RAP1A: variants seen among roughly 807,000 people sequenced by gnomAD.
The protein encoded by RAP1A is ras-related protein Rap-1A.
RAP1A carries 6 observed loss-of-function variants against 26.4 expected under a neutral mutation model. The observed-to-expected ratio is 0.23, with a 90% confidence interval of 0.12 to 0.45. The LOEUF (loss-of-function observed/expected upper bound fraction) is 0.45, where lower values mean the gene tolerates loss of function less well. Among genes scored for constraint, RAP1A ranks in the 20% least tolerant of loss-of-function variants. The pLI, the probability that RAP1A is intolerant of heterozygous loss-of-function variation, is 0.99. For synonymous variants in RAP1A, 73 were observed against 79.4 expected (o/e 0.92, Z 0.43); for missense variants, 121 against 217.2 (o/e 0.56, Z 2.78).
rs1662421044 is a variant in RAP1A at position 111,712,669 on chromosome 1, T to G, written c.*268T>G. The G allele has an allele frequency of 6.6e-6, 1 of 152,542 alleles. No individual in the cohort carries two copies. Among genetic ancestry groups the G allele is most frequent in the Admixed American group, 6.5e-5 (1 of 15,280 alleles). The allele number at this position is 152,542 out of a possible 1,614,324, so 9.4% of individuals were successfully genotyped here. A position where few individuals can be genotyped will look rare whatever the true frequency, so the allele number is the denominator to read the frequency against. Reference sequence around the variant, plus strand: ...TAACAGATGTGAAAATATACTTGACTCTAATATGATTATACAAAAGAGCAT... The same window carrying G: ...TAACAGATGTGAAAATATACTTGACGCTAATATGATTATACAAAAGAGCAT... On this transcript the variant is annotated 3_prime_UTR_variant, in exon 8 of 8. Transcript: ENST00000369709.
intron 1 of RAP1A, among the ~76,000 whole-genome samples, chr1:111,666,508 A>G (rs1660799547): frequency 6.6e-6 from 1 of 152,168 alleles, no homozygotes; most frequent in South Asian, 2.1e-4. Flanking sequence ...GAATGTAAGA[A>G]CTCAGATCAC....
intron 1 of RAP1A, among the ~76,000 whole-genome samples, chr1:111,630,683 A>G (rs72985114): frequency 0.011 from 1,614 of 152,308 alleles, 20 homozygotes; most frequent in African/African-American, 0.037. Flanking sequence ...ATAACAGTAT[A>G]TAAGAAGAAT....
chr1:111,648,825 G>T, intron 1 of RAP1A: 1 of 696,146 alleles, frequency 1.4e-6, no homozygotes, highest in East Asian at 2.7e-5. Flanking sequence ...GTATTGGGCC[G>T]AGATGTCTGC....
At chr1:111,552,696 A>G (rs931518112) in intron 1 of RAP1A, among the ~76,000 whole-genome samples, 1 of 152,186 alleles carries the variant, frequency 6.6e-6, no homozygotes, top group Admixed American at 6.5e-5. Context: ...TAAAACCATC[A>G]GTTCTGGAAT....
intron 1 of RAP1A, among the ~76,000 whole-genome samples, chr1:111,568,575 C>A (rs996104077): frequency 6.6e-6 from 1 of 152,180 alleles, no homozygotes; most frequent in African/African-American, 2.4e-5. Flanking sequence ...ACATCCCAAC[C>A]ATATCAATCA....
intron 1 of RAP1A, among the ~76,000 whole-genome samples, chr1:111,626,959 A>T (rs532414662): frequency 6.6e-6 from 1 of 152,204 alleles, no homozygotes; most frequent in Non-Finnish European, 1.5e-5. Context: ...TAGAAGCTGG[A>T]AACAAGCTGC....
Position 111,715,681 on chromosome 1 carries a change from C to T in RAP1A, c.*3280C>T, listed in dbSNP as rs1662522285. ...TGCCATCATAAATGGCCACCATTTA[C>T]TCCTCACTGAAATATTCTTCTTCTT... is the stretch of plus-strand genomic sequence containing the variant. On this transcript the variant is annotated 3_prime_UTR_variant, in exon 8 of 8. Coordinates refer to ENST00000369709, the MANE Select transcript of RAP1A (RefSeq NM_002884.4). The T allele has an allele frequency of 2.6e-5, 4 of 152,234 alleles. No homozygotes were observed. In the South Asian group the frequency reaches 6.2e-4, roughly 24 times the overall value. 9.4% of individuals were successfully genotyped at this position (152,234 alleles called of 1,614,324 possible). A position where few individuals can be genotyped will look rare whatever the true frequency, so the allele number is the denominator to read the frequency against.
chr1:111,645,623 T>C (rs943542150), intron 1 of RAP1A, among the ~76,000 whole-genome samples: 11 of 152,356 alleles, frequency 7.2e-5, no homozygotes, highest in Admixed American at 2.6e-4. Context: ...GTATAACTTA[T>C]AGAACTCCCA....
intron 1 of RAP1A, among the ~76,000 whole-genome samples, chr1:111,662,856 C>CAA (rs1170930962): frequency 1.3e-5 from 2 of 152,302 alleles, no homozygotes; most frequent in African/African-American, 4.8e-5. Flanking sequence ...TTGGCTCACA[C>CAA]AACTTATAGA....
At chr1:111,631,470 A>G (rs1659566445) in intron 1 of RAP1A, among the ~76,000 whole-genome samples, 1 of 152,214 alleles carries the variant, frequency 6.6e-6, no homozygotes, top group African/African-American at 2.4e-5. Context: ...GTAAATCTAC[A>G]AAGTAGATAT....
At chr1:111,670,192 C>T (rs1325585745) in intron 1 of RAP1A, among the ~76,000 whole-genome samples, 2 of 152,020 alleles carry the variant, frequency 1.3e-5, no homozygotes, top group Admixed American at 6.6e-5. Flanking sequence ...AAAAATGGTC[C>T]CAGGCGCATT....
intron 1 of RAP1A, among the ~76,000 whole-genome samples, chr1:111,583,261 G>A (rs1658294254): frequency 6.9e-6 from 1 of 145,816 alleles, no homozygotes. Flanking sequence ...GTCTACCCCT[G>A]ATAGTGATAT....
intron 1 of RAP1A, among the ~76,000 whole-genome samples, chr1:111,612,641 A>G (rs1355190221): frequency 6.6e-6 from 1 of 152,136 alleles, no homozygotes; most frequent in Non-Finnish European, 1.5e-5. Flanking sequence ...AAATCACACA[A>G]TGCATTAAAA....
intron 1 of RAP1A, among the ~76,000 whole-genome samples, chr1:111,657,811 T>C (rs1301278623): frequency 1.3e-5 from 2 of 152,194 alleles, no homozygotes; most frequent in Non-Finnish European, 2.9e-5. Flanking sequence ...AATTTTAATA[T>C]GTTGTGTTTT....
chr1:111,648,174 A>AGTT (rs1660131848), intron 1 of RAP1A: 1 of 225,408 alleles, frequency 4.4e-6, no homozygotes, highest in Non-Finnish European at 8.5e-6. Flanking sequence ...AGGTTCAAAC[A>AGTT]GTGTGTGTGT....
At chr1:111,674,517 G>A (rs1437277461) in intron 1 of RAP1A, among the ~76,000 whole-genome samples, 3 of 152,060 alleles carry the variant, frequency 2.0e-5, no homozygotes, top group Non-Finnish European at 4.4e-5. Flanking sequence ...TGTACCTCTA[G>A]TCCATTGGTT....
At chr1:111,580,866 A>AC (rs1231032722) in intron 1 of RAP1A, among the ~76,000 whole-genome samples, 1 of 10,644 alleles carries the variant, frequency 9.4e-5, no homozygotes, top group Non-Finnish European at 1.7e-3. Flanking sequence ...AACAAAAAAC[A>AC]AAAAAAAAAC....
rs1036188015 is a variant in RAP1A, at chr1:111,577,683, C to A, written c.-28+35174C>A. On this transcript the variant is annotated intron_variant, in intron 1 of 7. Transcript: ENST00000356415. ...GCAAGATCCTTAACCTCTCTGAAGTCTCAATTTCCCAAATTTAAAAAATAA... is the reference window on the plus strand; with the variant it reads ...GCAAGATCCTTAACCTCTCTGAAGTATCAATTTCCCAAATTTAAAAAATAA... Among the ~76,000 whole-genome samples, 19 of 152,156 alleles carry A rather than the reference C, an allele frequency of 1.2e-4. 1 individual carries two copies. Among genetic ancestry groups the A allele is most frequent in the African/African-American group, 4.6e-4 (19 of 41,474 alleles).
chr1:111,669,625 G>C (rs1175401654), intron 1 of RAP1A, among the ~76,000 whole-genome samples: 1 of 152,188 alleles, frequency 6.6e-6, no homozygotes. Context: ...AGCCACTTTT[G>C]AGTCTCTTAT....
Sources: gnomAD v4.1 joint callset for allele counts (sites outside exome capture counted in the v4.1 genomes callset) on GRCh38, gnomAD v4.1.1 for gene constraint, MANE v1.5 for transcripts, NCBI Gene and HGNC (gene_info 2026-07-23, HGNC 2026-07-21) for gene names.